The following RNF138 variants were observed in gnomAD, a reference collection of about 807,000 sequenced individuals.
RNF138 encodes the protein E3 ubiquitin-protein ligase RNF138.
In RNF138, 12 loss-of-function variants were observed where a neutral mutation model predicts 31.0. That is an observed-to-expected ratio of 0.39 (90% CI 0.25 to 0.63). RNF138 has a LOEUF of 0.63. Among genes scored for constraint, RNF138 ranks in the 20% least tolerant of loss-of-function variants. The pLI, the probability that RNF138 is intolerant of heterozygous loss-of-function variation, is 0.52. For synonymous variants in RNF138, 105 were observed against 99.5 expected (o/e 1.06, Z -0.33); for missense variants, 192 against 300.1 (o/e 0.64, Z 2.66).
At chr18:32,112,797 A>G (rs192752218) in intron 3 of RNF138, among the ~76,000 whole-genome samples, 3 of 152,350 alleles carry the variant, frequency 2.0e-5, no homozygotes, top group African/African-American at 4.8e-5. Context: ...ATTTTATTCT[A>G]TCATTTGGAG....
At position 32,113,142 on chromosome 18, in the gene RNF138, G is replaced by A. The variant is rs185410102; in HGVS notation, c.277-603G>A. Among the ~76,000 whole-genome samples, 18 of 152,126 alleles carry A rather than the reference G, an allele frequency of 1.2e-4. No homozygotes were observed. The East Asian group carries it at 3.1e-3, about 26-fold the overall frequency. On this transcript the variant is annotated intron_variant, in intron 3 of 7. Coordinates refer to ENST00000261593, the MANE Select transcript of RNF138 (RefSeq NM_016271.5). ...GGCTGGAGTACAGTGGCACAATCTC[G>A]GCTCACTGCAGCTTTGACTTCCCAG...
At chr18:32,126,847 GT>G (rs2040392251) in intron 7 of RNF138, 47 bp downstream of exon 7, 2 of 1,192,072 alleles carry the variant, frequency 1.7e-6, no homozygotes, top group East Asian at 4.7e-5. Flanking sequence ...AAATATTAAA[GT>G]TAAAATAACT....
At chr18:32,101,172 A>G (rs1435451874) in intron 2 of RNF138, among the ~76,000 whole-genome samples, 3 of 151,856 alleles carry the variant, frequency 2.0e-5, no homozygotes, top group Admixed American at 1.3e-4. Flanking sequence ...TTTGTATTTG[A>G]ATGACAGAAA....
intron 2 of RNF138, among the ~76,000 whole-genome samples, chr18:32,108,976 A>T (rs546413929): frequency 9.9e-5 from 15 of 152,030 alleles, no homozygotes; most frequent in African/African-American, 3.6e-4. Flanking sequence ...TTTTATGTAT[A>T]TAGGTTTGAT....
chr18:32,105,400 G>T (rs1287833759), intron 2 of RNF138, among the ~76,000 whole-genome samples: 2 of 152,140 alleles, frequency 1.3e-5, no homozygotes, highest in East Asian at 1.9e-4. Context: ...AAATCGTATG[G>T]TGTTCATTCA....
intron 4 of RNF138, among the ~76,000 whole-genome samples, chr18:32,115,999 G>A (rs2040210770): frequency 1.3e-5 from 2 of 152,122 alleles, no homozygotes; most frequent in Non-Finnish European, 2.9e-5. Flanking sequence ...CTTACTAATT[G>A]TATTACATTG....
At chr18:32,099,313 G>A (rs991575580) in intron 2 of RNF138, among the ~76,000 whole-genome samples, 5 of 152,200 alleles carry the variant, frequency 3.3e-5, no homozygotes, top group African/African-American at 1.2e-4. Context: ...CCCAAAGTGA[G>A]ATGAGAATAA....
chr18:32,129,023 G>C, intron 7 of RNF138, 96 bp from the exon 8 acceptor site: 1 of 775,942 alleles, frequency 1.3e-6, no homozygotes, highest in Non-Finnish European at 2.3e-6. Context: ...TGTGTGTCAA[G>C]ATGTGTAATG....
At chr18:32,099,141 A>G (rs1047231714) in intron 2 of RNF138, among the ~76,000 whole-genome samples, 2 of 152,132 alleles carry the variant, frequency 1.3e-5, no homozygotes, top group African/African-American at 4.8e-5. Context: ...AGAGAAATGT[A>G]AAGAGACCTT....
chr18:32,123,992 C>G (rs982670731), intron 5 of RNF138: 1 of 152,294 alleles, frequency 6.6e-6, no homozygotes, highest in Non-Finnish European at 1.5e-5. Flanking sequence ...TCAGTTACAT[C>G]ATTAGGCATA....
At chr18:32,097,385 G>A (rs1170843545) in intron 2 of RNF138, among the ~76,000 whole-genome samples, 1 of 152,174 alleles carries the variant, frequency 6.6e-6, no homozygotes, top group Non-Finnish European at 1.5e-5. Context: ...TTCTTGTTAA[G>A]CACAAATTTG....
Position 32,130,356 on chromosome 18 carries a change from T to C in RNF138, c.*1169T>C, listed in dbSNP as rs183429596. 6.6e-6 allele frequency: 1 copy of C among 152,396 alleles called. No individual in the cohort carries two copies. The highest frequency in any genetic ancestry group is 1.5e-5 in the Non-Finnish European group (1 of 67,860). 9.4% of individuals were successfully genotyped at this position (152,396 alleles called of 1,614,324 possible). A position where few individuals can be genotyped will look rare whatever the true frequency, so the allele number is the denominator to read the frequency against. On this transcript the variant is annotated 3_prime_UTR_variant, in exon 8 of 8. Transcript: ENST00000261593. The stretch of plus-strand genomic sequence containing the variant: ...GCTCATTTGTTATTCTCAAATATAA[T>C]GTGTGACCGTGATATAGTGAGAAAG...
chr18:32,128,553 C>T (rs1432272263), intron 7 of RNF138, among the ~76,000 whole-genome samples: 1 of 152,214 alleles, frequency 6.6e-6, no homozygotes, highest in Non-Finnish European at 1.5e-5. Flanking sequence ...ATTTCTTACT[C>T]AACTCATAAT....
At chr18:32,112,519 C>G (rs553925488) in intron 3 of RNF138, among the ~76,000 whole-genome samples, 1 of 152,216 alleles carries the variant, frequency 6.6e-6, no homozygotes, top group East Asian at 1.9e-4. Flanking sequence ...AACCCCGTCT[C>G]TACTAAAAAT....
chr18:32,117,796 ATAAT>A (rs1223849864), intron 4 of RNF138, among the ~76,000 whole-genome samples: 3 of 152,214 alleles, frequency 2.0e-5, no homozygotes, highest in African/African-American at 7.2e-5. Flanking sequence ...GTTTCTCATA[ATAAT>A]TAGATAGCAG....
At position 32,094,208 on chromosome 18, in the gene RNF138, C is replaced by CTT. The variant is rs11441456; in HGVS notation, c.110+1331_110+1332dup. Reference sequence around the variant, plus strand: ...TTTCATTCTCCTTCGACTTTTTTTTCTTTTTTTTTTGAGGTGAGGTTCTAT... The same window carrying CTT: ...TTTCATTCTCCTTCGACTTTTTTTTCTTTTTTTTTTTTGAGGTGAGGTTCTAT... On this transcript the variant is annotated intron_variant, in intron 2 of 7. Coordinates refer to ENST00000261593, the MANE Select transcript of RNF138 (RefSeq NM_016271.5). Among the ~76,000 whole-genome samples the CTT allele has an allele frequency of 2.0e-4, 30 of 149,286 alleles. 1 individual carries two copies. In the East Asian group the frequency reaches 2.2e-3, roughly 11 times the overall value.
chr18:32,109,157 CT>C (rs200179767), intron 2 of RNF138, among the ~76,000 whole-genome samples: 285 of 143,058 alleles, frequency 2.0e-3, no homozygotes, highest in Middle Eastern at 7.4e-3. Context: ...CTTTTTCTTT[CT>C]TTTTTTTTTT....
At position 32,130,203 on chromosome 18, in the gene RNF138, ATTTG is replaced by A. The variant is rs922370761; in HGVS notation, c.*1020_*1023del. 31 of 152,210 alleles carry A rather than the reference ATTTG, an allele frequency of 2.0e-4. No individual in the cohort carries two copies. The highest frequency in any genetic ancestry group is 7.0e-4 in the African/African-American group (29 of 41,332). 9.4% of individuals were successfully genotyped at this position (152,210 alleles called of 1,614,324 possible). On this transcript the variant is annotated 3_prime_UTR_variant, in exon 8 of 8. Coordinates refer to ENST00000261593, the MANE Select transcript of RNF138 (RefSeq NM_016271.5). Reference sequence around the variant, plus strand: ...AATAGGGGGTTGAAGTGTTTATCTGATTTGTTTAAAATTTTGTATATCACCAAAT... The same window carrying A: ...AATAGGGGGTTGAAGTGTTTATCTGATTTAAAATTTTGTATATCACCAAAT...
rs1161509058 is a variant in RNF138 at position 32,130,676 on chromosome 18, CA to C, written c.*1490del. 1 of 152,332 alleles carries C rather than the reference CA, an allele frequency of 6.6e-6. No homozygotes were observed. The highest frequency in any genetic ancestry group is 6.6e-5 in the Admixed American group (1 of 15,254). The allele number at this position is 152,332 out of a possible 1,614,324, so 9.4% of individuals were successfully genotyped here. A position where few individuals can be genotyped will look rare whatever the true frequency, so the allele number is the denominator to read the frequency against. On this transcript the variant is annotated 3_prime_UTR_variant, in exon 8 of 8. Transcript: ENST00000261593. ...CCCTTGTTGACTTTTCTACACTGAA[CA>C]TTTTTTTTAACTTGATTTAATAAAA...
Sources: allele counts gnomAD v4.1 joint callset (sites outside exome capture counted in the v4.1 genomes callset), GRCh38; gene constraint gnomAD v4.1.1; transcripts MANE v1.5; gene names NCBI Gene and HGNC (gene_info 2026-07-23, HGNC 2026-07-21).